Variants in ABHD6 observed in about 807,000 individuals in gnomAD.
ABHD6 encodes the protein monoacylglycerol lipase ABHD6.
In ABHD6, 33 loss-of-function variants were observed where a neutral mutation model predicts 38.8. That is an observed-to-expected ratio of 0.85 (90% CI 0.64 to 1.14). The LOEUF is 1.14. Ranked by LOEUF, ABHD6 falls within the 50% of genes most tolerant of loss-of-function variation. The probability of loss-of-function intolerance (pLI) is 0.00; values close to 1 mark genes in which losing one functional copy is unlikely to be tolerated. For missense variants in ABHD6, 380 were observed against 422.6 expected (o/e 0.90, Z 0.88); for synonymous variants, 147 against 161.6 (o/e 0.91, Z 0.69).
At chr3:58,239,426 A>G (rs114355770) in intron 1 of ABHD6, among the ~76,000 whole-genome samples, 2,236 of 152,308 alleles carry the variant, frequency 0.015, 49 homozygotes, top group African/African-American at 0.051. Context: ...TTACTGGAAA[A>G]AAATAATTAA....
At position 58,266,905 on chromosome 3, in the gene ABHD6, C is replaced by T. The variant is rs968864435; in HGVS notation, c.120-284C>T. Reference sequence around the variant, plus strand: ...GAAAGACATATTATCAAAAGGTTATCATGTGTGGCATACTTCTTAAGAAAA... The same window carrying T: ...GAAAGACATATTATCAAAAGGTTATTATGTGTGGCATACTTCTTAAGAAAA... On this transcript the variant is annotated intron_variant, in intron 3 of 9. Coordinates refer to ENST00000478253, the MANE Select transcript of ABHD6 (RefSeq NM_001320126.2). The surrounding 1 kb of genome is among the most constrained non-coding windows in gnomAD (Gnocchi z 4.0). 3.9e-5 allele frequency among the ~76,000 whole-genome samples: 6 copies of T among 152,162 alleles called. No homozygotes were observed. The highest frequency in any genetic ancestry group is 1.2e-4 in the African/African-American group (5 of 41,456).
intron 1 of ABHD6, among the ~76,000 whole-genome samples, chr3:58,249,169 AC>A (rs1219416933): frequency 6.6e-6 from 1 of 152,194 alleles, no homozygotes; most frequent in African/African-American, 2.4e-5. Context: ...AGATTTAAAA[AC>A]TTTTTTATGC....
Position 58,259,038 on chromosome 3 carries a change from C to T in ABHD6, c.119+2333C>T, listed in dbSNP as rs971907871. On this transcript the variant is annotated intron_variant, in intron 3 of 9. Coordinates refer to ENST00000478253, the MANE Select transcript of ABHD6 (RefSeq NM_001320126.2). This position sits in a 1 kb window ranked among gnomAD's most constrained non-coding sequence, Gnocchi z 4.7. The stretch of plus-strand genomic sequence containing the variant: ...CAGAGTTGCGTGCCCCTTCTCATGG[C>T]CTCGTCAAGGCATCATGGACTGCCA... Among the ~76,000 whole-genome samples, 1 of 152,168 alleles carries T rather than the reference C, an allele frequency of 6.6e-6. No individual in the cohort carries two copies. Among genetic ancestry groups the T allele is most frequent in the Non-Finnish European group, 1.5e-5 (1 of 68,042 alleles).
At chr3:58,281,293 T>C (rs2107468178) in intron 7 of ABHD6, among the ~76,000 whole-genome samples, 1 of 152,316 alleles carries the variant, frequency 6.6e-6, no homozygotes, top group Middle Eastern at 3.4e-3. Flanking sequence ...TACTTAAGCC[T>C]CAGCAATGGC....
rs1477663343 is a variant in ABHD6, at chr3:58,266,781, G to A, written c.120-408G>A. On this transcript the variant is annotated intron_variant, in intron 3 of 9. Transcript: ENST00000478253. The surrounding 1 kb of genome is among the most constrained non-coding windows in gnomAD (Gnocchi z 4.0). Reference sequence around the variant, plus strand: ...GCCAAGTCTTATGTAACCAGCAGAAGCTGAGCTTTCAACCAGCTGCCATAT... The same window carrying A: ...GCCAAGTCTTATGTAACCAGCAGAAACTGAGCTTTCAACCAGCTGCCATAT... Among the ~76,000 whole-genome samples the A allele has an allele frequency of 6.6e-6, 1 of 152,202 alleles. No individual in the cohort carries two copies. Among genetic ancestry groups the A allele is most frequent in the East Asian group, 1.9e-4 (1 of 5,194 alleles).
At chr3:58,270,087 T>A (rs994228767) in intron 5 of ABHD6, among the ~76,000 whole-genome samples, 1 of 152,228 alleles carries the variant, frequency 6.6e-6, no homozygotes, top group Non-Finnish European at 1.5e-5. Flanking sequence ...ATAATAGATA[T>A]CCAATGAATA....
At chr3:58,270,904 C>A in intron 5 of ABHD6, 28 bp from the exon 6 acceptor site, 1 of 1,583,608 alleles carries the variant, frequency 6.3e-7, no homozygotes, top group Non-Finnish European at 8.6e-7. Flanking sequence ...GCTGTATAAC[C>A]AAGCTGCTTT....
At chr3:58,291,830 C>T (rs944593012) in intron 9 of ABHD6, among the ~76,000 whole-genome samples, 25 of 152,172 alleles carry the variant, frequency 1.6e-4, no homozygotes, top group Non-Finnish European at 3.5e-4. Context: ...TACCTGTCAT[C>T]CCAGCTACCT....
intron 3 of ABHD6, among the ~76,000 whole-genome samples, chr3:58,258,958 G>T (rs1488437332): frequency 1.3e-5 from 2 of 152,202 alleles, no homozygotes; most frequent in East Asian, 3.8e-4. Flanking sequence ...GCTGGTAGCA[G>T]GAGTTCTGTG....
chr3:58,285,319 G>C lies in ABHD6; in HGVS notation c.737-34G>C. 1 of 1,603,794 alleles carries C rather than the reference G, an allele frequency of 6.2e-7. No individual in the cohort carries two copies. The highest frequency in any genetic ancestry group is 2.2e-5 in the East Asian group (1 of 44,832). ...GCGGTGGTGCCACAGGCACAGTCCA[G>C]CACATACTCACTTTGTTTTCCTTTT... is the stretch of plus-strand genomic sequence containing the variant. On this transcript the variant is annotated intron_variant, in intron 8 of 9. Coordinates refer to ENST00000478253, the MANE Select transcript of ABHD6 (RefSeq NM_001320126.2). The surrounding 1 kb of genome is among the most constrained non-coding windows in gnomAD (Gnocchi z 4.9).
intron 7 of ABHD6, 136 bp downstream of exon 7, chr3:58,274,951 C>T: frequency 1.8e-6 from 2 of 1,107,462 alleles, no homozygotes; most frequent in Non-Finnish European, 2.6e-6. Flanking sequence ...CAGCAAGTGT[C>T]TCTGCAGTGC....
At chr3:58,241,728 G>A (rs2097422950) in intron 1 of ABHD6, among the ~76,000 whole-genome samples, 1 of 152,214 alleles carries the variant, frequency 6.6e-6, no homozygotes, top group East Asian at 1.9e-4. Context: ...CAATAGGCCT[G>A]AGCAGTGGCC....
chr3:58,271,771 T>G (rs867828717), intron 6 of ABHD6, among the ~76,000 whole-genome samples: 2,933 of 131,700 alleles, frequency 0.022, 44 homozygotes, highest in South Asian at 0.055. Context: ...TCTCTGTTTT[T>G]TTTTTTTTTT....
Position 58,258,664 on chromosome 3 carries a change from G to A in ABHD6, c.119+1959G>A, listed in dbSNP as rs543564946. 25 of 187,078 alleles carry A rather than the reference G, an allele frequency of 1.3e-4. No homozygotes were observed. In the South Asian group the frequency reaches 1.4e-3, roughly 10 times the overall value. 11.6% of individuals were successfully genotyped at this position (187,078 alleles called of 1,614,324 possible). A position where few individuals can be genotyped will look rare whatever the true frequency, so the allele number is the denominator to read the frequency against. On this transcript the variant is annotated intron_variant, in intron 3 of 9. Transcript: ENST00000478253. Reference sequence around the variant, plus strand: ...ATCTAACTGGGACTTCAGGAAGTCGGAACTCACTTCTGTACGTAGAAGAGT... The same window carrying A: ...ATCTAACTGGGACTTCAGGAAGTCGAAACTCACTTCTGTACGTAGAAGAGT...
chr3:58,241,459 C>G (rs893490858), intron 1 of ABHD6, among the ~76,000 whole-genome samples: 1 of 152,162 alleles, frequency 6.6e-6, no homozygotes, highest in Non-Finnish European at 1.5e-5. Context: ...GGACAGCACT[C>G]AGGAGGTGTG....
chr3:58,279,535 G>C (rs560795639), intron 7 of ABHD6, among the ~76,000 whole-genome samples: 1 of 151,678 alleles, frequency 6.6e-6, no homozygotes, highest in Non-Finnish European at 1.5e-5. Flanking sequence ...ACACTGATGG[G>C]TCTTGTCCAA....
At chr3:58,286,008 T>C (rs1029567609) in intron 9 of ABHD6, among the ~76,000 whole-genome samples, 1 of 122,754 alleles carries the variant, frequency 8.1e-6, no homozygotes, top group Non-Finnish European at 1.6e-5. Context: ...CACCTAATTT[T>C]TGTTTTTTGT....
chr3:58,267,376 A>T lies in ABHD6; in HGVS notation c.276+31A>T. 2 of 1,612,878 alleles carry T rather than the reference A, an allele frequency of 1.2e-6. No individual in the cohort carries two copies. Among genetic ancestry groups the T allele is most frequent in the Non-Finnish European group, 1.7e-6 (2 of 1,179,446 alleles). On this transcript the variant is annotated intron_variant, in intron 4 of 9. Coordinates refer to ENST00000478253, the MANE Select transcript of ABHD6 (RefSeq NM_001320126.2). This position sits in a 1 kb window ranked among gnomAD's most constrained non-coding sequence, Gnocchi z 4.3. The stretch of plus-strand genomic sequence containing the variant: ...ATTCTCGATTCTTCTCTCTTATAAG[A>T]AAAGGGAGTTGGGTGCTGTGGCTCA...
chr3:58,251,093 G>C lies in ABHD6; in HGVS notation c.-26+1151G>C, dbSNP rs1204156700. 1.3e-5 allele frequency among the ~76,000 whole-genome samples: 2 copies of C among 152,100 alleles called. No homozygotes were observed. The highest frequency in any genetic ancestry group is 2.9e-5 in the Non-Finnish European group (2 of 68,030). On this transcript the variant is annotated intron_variant, in intron 2 of 9. Transcript: ENST00000478253. The surrounding 1 kb of genome is among the most constrained non-coding windows in gnomAD (Gnocchi z 5.4). ...CCAGCACTTTGGGAGGCCGAGGCGG[G>C]GGGGATCACCTGAGGTCAGGAGTTC... is the stretch of plus-strand genomic sequence containing the variant.
Sources: gnomAD v4.1 joint callset for allele counts (sites outside exome capture counted in the v4.1 genomes callset) on GRCh38, gnomAD v4.1.1 for gene constraint, Gnocchi (gnomAD v3.1) non-coding constraint, MANE v1.5 for transcripts, NCBI Gene and HGNC (gene_info 2026-07-23, HGNC 2026-07-21) for gene names.